The following NEBL variants were observed in gnomAD, a reference collection of about 807,000 sequenced individuals.
NEBL encodes the protein nebulette, also known as LIM and SH3 protein 2.
A neutral mutation model predicts 140.2 loss-of-function variants in NEBL; 122 were observed. The ratio of observed to expected loss-of-function variants is 0.87; its 90% confidence interval spans 0.75 to 1.01. NEBL has a LOEUF of 1.01. NEBL is among the 50% of genes least tolerant of loss of function. NEBL has a pLI of 0.00. For synonymous variants in NEBL, 436 were observed against 398.9 expected, an observed-to-expected ratio of 1.09 and a Z score of -1.11; for missense variants, 1,365 against 1,231.3, an observed-to-expected ratio of 1.11 and a Z score of -1.62.
upstream of NEBL, among the ~76,000 whole-genome samples, chr10:21,179,454 C>CA (rs1430214949): frequency 6.6e-6 from 1 of 152,108 alleles, no homozygotes; most frequent in African/African-American, 2.4e-5. Flanking sequence ...TTTCATCCCC[C>CA]TTACCCCTAC....
chr10:21,061,321 A>ATATTATGTGATATGTAATATG (rs1835282200), intron 2 of NEBL, among the ~76,000 whole-genome samples: 1 of 127,544 alleles, frequency 7.8e-6, no homozygotes, highest in Admixed American at 7.7e-5. Flanking sequence ...TATGTAATAT[A>ATATTATGTGATATGTAATATG]TTACATATTA....
At chr10:20,827,073 C>T (rs1012871350) in intron 17 of NEBL, among the ~76,000 whole-genome samples, 13 of 152,160 alleles carry the variant, frequency 8.5e-5, no homozygotes, top group Non-Finnish European at 1.8e-4. Flanking sequence ...TCCCATGTGT[C>T]TCCACCCCTA....
intron 1 of NEBL, among the ~76,000 whole-genome samples, chr10:21,260,297 C>T (rs1427990015): frequency 2.6e-5 from 4 of 152,202 alleles, no homozygotes; most frequent in Non-Finnish European, 4.4e-5. Flanking sequence ...GCCACTTTTC[C>T]AAAGGCCAGA....
At chr10:20,793,553 TTTTC>T (rs1836212384) in intron 26 of NEBL, among the ~76,000 whole-genome samples, 1 of 149,976 alleles carries the variant, frequency 6.7e-6, no homozygotes, top group African/African-American at 2.5e-5. Flanking sequence ...TCTTTCTTTC[TTTTC>T]TTTTTTTTTT....
chr10:21,156,207 C>T (rs1055071027), intron 2 of NEBL, among the ~76,000 whole-genome samples: 3 of 152,186 alleles, frequency 2.0e-5, no homozygotes, highest in African/African-American at 7.2e-5. Flanking sequence ...AGTAGCTTTG[C>T]CCTTTCTTTA....
chr10:21,149,135 T>C (rs921387775), intron 2 of NEBL, among the ~76,000 whole-genome samples: 3 of 152,164 alleles, frequency 2.0e-5, no homozygotes, highest in African/African-American at 7.2e-5. Flanking sequence ...CAATCACACC[T>C]ATCCGGTGAA....
At chr10:21,136,720 A>G (rs987729526) in intron 2 of NEBL, among the ~76,000 whole-genome samples, 1 of 152,182 alleles carries the variant, frequency 6.6e-6, no homozygotes, top group Non-Finnish European at 1.5e-5. Flanking sequence ...AAGGGTCTCC[A>G]TGTTCCAAAA....
chr10:21,150,817 G>C (rs1427647829), intron 2 of NEBL, among the ~76,000 whole-genome samples: 4 of 152,122 alleles, frequency 2.6e-5, no homozygotes, highest in Non-Finnish European at 4.4e-5. Context: ...TTTCCTAGGT[G>C]TCCAAATTGT....
At chr10:20,858,375 C>G (rs1226476753) in intron 8 of NEBL, 31 bp from the exon 9 acceptor site, 1 of 1,475,324 alleles carries the variant, frequency 6.8e-7, no homozygotes. Flanking sequence ...AAAATACCAT[C>G]GAGGAGAAGA....
intron 3 of NEBL, among the ~76,000 whole-genome samples, chr10:21,241,411 G>A (rs1842439102): frequency 6.6e-6 from 1 of 152,118 alleles, no homozygotes; most frequent in African/African-American, 2.4e-5. Flanking sequence ...ATCTGTGGCT[G>A]TTCTGCTTCC....
At chr10:21,024,967 T>C (rs1435026871) in intron 2 of NEBL, among the ~76,000 whole-genome samples, 2 of 152,180 alleles carry the variant, frequency 1.3e-5, no homozygotes, top group African/African-American at 4.8e-5. Flanking sequence ...TTCCAAACAC[T>C]GCATTCAAAA....
intron 1 of NEBL, among the ~76,000 whole-genome samples, chr10:21,258,945 C>A (rs750534447): frequency 4.6e-5 from 7 of 152,148 alleles, no homozygotes; most frequent in Admixed American, 6.5e-5. Flanking sequence ...GTCATTTAAT[C>A]CTCACAATAA....
At chr10:21,288,486 G>A (rs564549869) in intron 1 of NEBL, among the ~76,000 whole-genome samples, 1 of 150,944 alleles carries the variant, frequency 6.6e-6, no homozygotes, top group Non-Finnish European at 1.5e-5. Context: ...GAAAAAGCCC[G>A]ACGCGGTGGC....
At chr10:21,285,127 T>C (rs1843039454) in intron 1 of NEBL, among the ~76,000 whole-genome samples, 1 of 152,210 alleles carries the variant, frequency 6.6e-6, no homozygotes, top group Non-Finnish European at 1.5e-5. Context: ...AAGTTTGCAT[T>C]GTGGAAAGGA....
At chr10:20,791,339 A>C (rs994654605) in intron 26 of NEBL, among the ~76,000 whole-genome samples, 15 of 152,224 alleles carry the variant, frequency 9.9e-5, no homozygotes, top group African/African-American at 3.6e-4. Flanking sequence ...CAAGATAAAG[A>C]AGTGAATACA....
At chr10:21,011,768 C>A (rs2131741780) in intron 3 of NEBL, among the ~76,000 whole-genome samples, 1 of 152,348 alleles carries the variant, frequency 6.6e-6, no homozygotes, top group South Asian at 2.1e-4. Flanking sequence ...ACACTTCCTT[C>A]CATGCTTCTC....
intron 3 of NEBL, among the ~76,000 whole-genome samples, chr10:20,962,180 A>T (rs574716743): frequency 6.6e-6 from 1 of 152,354 alleles, no homozygotes; most frequent in East Asian, 1.9e-4. Flanking sequence ...GAAAGGAAAG[A>T]AAATGTAGAA....
chr10:20,839,478 C>T (rs999263049), intron 13 of NEBL, among the ~76,000 whole-genome samples: 1 of 152,096 alleles, frequency 6.6e-6, no homozygotes, highest in Non-Finnish European at 1.5e-5. Context: ...TGGGAAATGA[C>T]CTCTAAGTTC....
chr10:21,162,312 T>C (rs1840590162), intron 2 of NEBL, among the ~76,000 whole-genome samples: 1 of 152,054 alleles, frequency 6.6e-6, no homozygotes, highest in South Asian at 2.1e-4. Flanking sequence ...TAGAGCACTG[T>C]CCTGAGCCCT....
Sources: gnomAD v4.1 joint callset for allele counts (sites outside exome capture counted in the v4.1 genomes callset) on GRCh38, gnomAD v4.1.1 for gene constraint, MANE v1.5 for transcripts, NCBI Gene and HGNC (gene_info 2026-07-23, HGNC 2026-07-21) for gene names.